The following ITGB5 variants were observed in gnomAD, a reference collection of about 807,000 sequenced individuals.
ITGB5 encodes integrin subunit beta 5.
In ITGB5, 38 loss-of-function variants were observed where a neutral mutation model predicts 84.8. The observed-to-expected ratio is 0.45, with a 90% CI of 0.35 to 0.59. The LOEUF is 0.59. Ranked by LOEUF, ITGB5 falls within the 20% of genes least tolerant of loss-of-function variation. ITGB5 has a pLI of 0.01. For synonymous variants in ITGB5, 393 were observed against 414.4 expected, an observed-to-expected ratio of 0.95 and a Z score of 0.63; for missense variants, 905 against 1,034.5, an observed-to-expected ratio of 0.87 and a Z score of 1.72.
At position 124,821,461 on chromosome 3, in the gene ITGB5, C is replaced by A; in HGVS notation, c.794G>T (p.Trp265Leu). 6.2e-7 allele frequency: 1 copy of A among 1,614,204 alleles called. No individual in the cohort carries two copies. The highest frequency in any genetic ancestry group is 8.5e-7 in the Non-Finnish European group (1 of 1,180,028). Reference protein sequence around the residue: ...QAAVCKEKIGWRKDALHLLVF... With the variant: ...QAAVCKEKIGLRKDALHLLVF... Reference sequence around the variant, plus strand: ...CAGCAAATGCAGTGCATCCTTTCGCCAGCCAATCTTCTCCTGAAGGACAGA... The same window carrying A: ...CAGCAAATGCAGTGCATCCTTTCGCAAGCCAATCTTCTCCTGAAGGACAGA... The change falls in exon 6 of 15, where the codon TGG becomes TTG. Residue 265 changes from tryptophan (W) to leucine (L), a missense_variant. Physicochemically the swap from Trp to Leu is moderately conservative, Grantham distance 61 (BLOSUM62 -2). This residue lies in a region of ITGB5 where 656 missense variants were observed against 734.7 expected (regional missense o/e 0.89). Coordinates refer to ENST00000296181, the MANE Select transcript of ITGB5 (RefSeq NM_002213.5).
chr3:124,825,399 G>A (rs140985376), intron 5 of ITGB5, among the ~76,000 whole-genome samples: 218 of 152,186 alleles, frequency 1.4e-3, no homozygotes, highest in African/African-American at 4.9e-3. Flanking sequence ...CTATATGCAA[G>A]TATTTATAAA....
intron 8 of ITGB5, 44 bp downstream of exon 8, chr3:124,817,577 G>A: frequency 1.9e-6 from 2 of 1,069,930 alleles, no homozygotes; most frequent in Non-Finnish European, 2.8e-6. Context: ...CAGTGGGAGA[G>A]GGTGGAAGGG....
rs778644292 is a variant in ITGB5, at chr3:124,766,313, A to G, written c.2050T>C (p.Tyr684His). ...KDDQEAVLCF[Y>H]KTAKDCVMMF... is the part of the protein sequence containing the mutation. ...ATGACGCAGTCCTTGGCGGTTTTGT[A>G]GAAACATAGCACAGCCTCCTGGTCA... is the stretch of plus-strand genomic sequence containing the variant. The change falls in exon 13 of 15, where the codon TAC (tyrosine) becomes CAC (histidine). Residue 684 changes from tyrosine (Y) to histidine (H), a missense_variant. This residue lies in a region of ITGB5 where 116 missense variants were observed against 177.0 expected (regional missense o/e 0.66). Transcript: ENST00000296181. 1.2e-6 allele frequency: 2 copies of G among 1,614,156 alleles called. No homozygotes were observed. Among genetic ancestry groups the G allele is most frequent in the Admixed American group, 1.7e-5 (1 of 60,024 alleles).
At chr3:124,796,938 T>C in intron 9 of ITGB5, 121 bp from the exon 10 acceptor site, 1 of 909,952 alleles carries the variant, frequency 1.1e-6, no homozygotes. Context: ...CGCACTCAGG[T>C]AGAACCACCA....
chr3:124,838,893 G>GCC (rs1290532089), intron 5 of ITGB5, among the ~76,000 whole-genome samples: 7 of 152,168 alleles, frequency 4.6e-5, no homozygotes, highest in Non-Finnish European at 8.8e-5. Context: ...GAGCCACCGC[G>GCC]CCCAGCCTCA....
chr3:124,778,661 G>A (rs749813669), intron 10 of ITGB5, among the ~76,000 whole-genome samples: 7 of 152,174 alleles, frequency 4.6e-5, no homozygotes, highest in Non-Finnish European at 8.8e-5. Flanking sequence ...CGGAGATGGG[G>A]GACAAGGAGG....
At chr3:124,841,189 A>G (rs2065005612) in intron 5 of ITGB5, among the ~76,000 whole-genome samples, 194 bp downstream of exon 5, 1 of 152,170 alleles carries the variant, frequency 6.6e-6, no homozygotes, top group African/African-American at 2.4e-5. Context: ...GACCAGCCCA[A>G]TCCATTCCCG....
chr3:124,846,567 GTA>G (rs2065081249), intron 4 of ITGB5, among the ~76,000 whole-genome samples: 1 of 152,188 alleles, frequency 6.6e-6, no homozygotes, highest in South Asian at 2.1e-4. Flanking sequence ...TTAGGGACAG[GTA>G]TTATTACTCA....
chr3:124,819,678 A>G, intron 7 of ITGB5, 61 bp downstream of exon 7: 2 of 1,215,712 alleles, frequency 1.6e-6, no homozygotes, highest in Non-Finnish European at 2.4e-6. Flanking sequence ...GCAGAGTTGT[A>G]AACACTCCTC....
chr3:124,786,537 T>C (rs2064084302), intron 10 of ITGB5, among the ~76,000 whole-genome samples: 1 of 152,192 alleles, frequency 6.6e-6, no homozygotes, highest in South Asian at 2.1e-4. Context: ...ACTCACCTGA[T>C]AGACTTTGGG....
intron 13 of ITGB5, 50 bp from the exon 14 acceptor site, chr3:124,764,607 C>T: frequency 6.4e-7 from 1 of 1,553,572 alleles, no homozygotes; most frequent in South Asian, 1.2e-5. Flanking sequence ...TCACCATGCC[C>T]CTCTCACGCA....
At chr3:124,870,015 T>G (rs1933916809) in intron 2 of ITGB5, among the ~76,000 whole-genome samples, 1 of 152,246 alleles carries the variant, frequency 6.6e-6, no homozygotes, top group Non-Finnish European at 1.5e-5. Flanking sequence ...GGATCTCATT[T>G]TACACTCCCA....
chr3:124,766,877 G>A (rs1286575666), intron 12 of ITGB5, among the ~76,000 whole-genome samples: 2 of 152,230 alleles, frequency 1.3e-5, no homozygotes, highest in East Asian at 1.9e-4. Flanking sequence ...GGTGCCCACC[G>A]TGGTGGCCAT....
chr3:124,835,695 G>T (rs2064925443), intron 5 of ITGB5, among the ~76,000 whole-genome samples: 1 of 152,242 alleles, frequency 6.6e-6, no homozygotes, highest in Admixed American at 6.5e-5. Flanking sequence ...CTTCCTTGAG[G>T]AAAGAAAGGC....
intron 13 of ITGB5, among the ~76,000 whole-genome samples, chr3:124,766,025 A>T (rs1388280387): frequency 6.7e-6 from 1 of 148,694 alleles, no homozygotes; most frequent in African/African-American, 2.5e-5. Flanking sequence ...GCACCACTGC[A>T]CTCTAGCCTG....
At chr3:124,824,946 C>A (rs1026858280) in intron 5 of ITGB5, among the ~76,000 whole-genome samples, 3 of 152,142 alleles carry the variant, frequency 2.0e-5, no homozygotes, top group African/African-American at 7.2e-5. Flanking sequence ...TGCCTGTAAT[C>A]CCAGCACTTT....
chr3:124,889,636 G>A (rs1479389566), upstream of ITGB5, among the ~76,000 whole-genome samples: 2 of 152,174 alleles, frequency 1.3e-5, no homozygotes, highest in African/African-American at 4.8e-5. Context: ...TTTTACAGGA[G>A]CTGTCCTGGG....
intron 8 of ITGB5, among the ~76,000 whole-genome samples, chr3:124,812,869 T>C (rs77815831): frequency 0.025 from 3,771 of 152,274 alleles, 181 homozygotes; most frequent in African/African-American, 0.086. Flanking sequence ...CTGTTACATA[T>C]GTTCCAACCC....
chr3:124,859,502 C>CA, intron 2 of ITGB5, 56 bp from the exon 3 acceptor site: 2 of 1,418,252 alleles, frequency 1.4e-6, no homozygotes, highest in Non-Finnish European at 2.0e-6. Context: ...CTCCCGAAAA[C>CA]ATCGCATGTC....
Sources: allele counts gnomAD v4.1 joint callset (sites outside exome capture counted in the v4.1 genomes callset), GRCh38; gene constraint gnomAD v4.1.1; regional missense constraint gnomAD v4.1.1; transcripts MANE v1.5; gene names NCBI Gene and HGNC (gene_info 2026-07-23, HGNC 2026-07-21).